Variants in DENND2B observed in about 807,000 individuals in gnomAD.
The protein encoded by DENND2B is DENN domain-containing protein 2B.
In DENND2B, 32 loss-of-function variants were observed where a neutral mutation model predicts 116.0. The observed-to-expected ratio is 0.28, with a 90% CI of 0.21 to 0.37. The LOEUF is 0.37. Among genes scored for constraint, DENND2B ranks in the 10% least tolerant of loss-of-function variants. The pLI, the probability that DENND2B is intolerant of heterozygous loss-of-function variation, is 1.00. For synonymous variants in DENND2B, 588 were observed against 583.9 expected (o/e 1.01, Z -0.10); for missense variants, 1,276 against 1,477.7 (o/e 0.86, Z 2.24).
At chr11:8,902,200 C>T (rs1459227899) in intron 1 of DENND2B, among the ~76,000 whole-genome samples, 1 of 152,002 alleles carries the variant, frequency 6.6e-6, no homozygotes, top group East Asian at 1.9e-4. Flanking sequence ...GTGGCACGCG[C>T]CTGTAATCCC....
chr11:8,737,221 A>C (rs998650885), intron 2 of DENND2B, among the ~76,000 whole-genome samples: 1 of 152,188 alleles, frequency 6.6e-6, no homozygotes, highest in African/African-American at 2.4e-5. Context: ...GTGGCCAAAT[A>C]AGATCCTCTA....
intron 11 of DENND2B, chr11:8,708,221 G>T: frequency 8.1e-7 from 1 of 1,230,430 alleles, no homozygotes; most frequent in Non-Finnish European, 1.0e-6. Context: ...CAGATGGGAA[G>T]GACTAGGGTA....
chr11:8,696,143 CCTAT>C (rs1215151088), intron 18 of DENND2B: 2 of 465,830 alleles, frequency 4.3e-6, no homozygotes, highest in Admixed American at 7.6e-5. Context: ...AGGGCTTTCT[CCTAT>C]CTTTCTCTTT....
chr11:8,767,790 C>T (rs940321000), intron 1 of DENND2B, among the ~76,000 whole-genome samples: 7 of 152,088 alleles, frequency 4.6e-5, no homozygotes, highest in African/African-American at 7.2e-5. Flanking sequence ...CACCTAAGGT[C>T]GCTTTCAATA....
intron 1 of DENND2B, among the ~76,000 whole-genome samples, chr11:8,897,383 A>G (rs928837111): frequency 1.3e-5 from 2 of 152,078 alleles, no homozygotes; most frequent in South Asian, 4.1e-4. Flanking sequence ...AGTTTTTGCA[A>G]TCCCTACACT....
rs780881197 is a variant in DENND2B at position 8,730,393 on chromosome 11, C to T, written c.897G>A (p.Gly299=). 3.7e-6 allele frequency: 6 copies of T among 1,605,122 alleles called. No individual in the cohort carries two copies. In the African/African-American group the frequency reaches 4.0e-5, roughly 11 times the overall value. Reference sequence around the variant, plus strand: ...AGCAGCTGCTGGGGAGCTGGGGGAGCCCCCGGCCCGGCTGCTCCTTCAGGA... The same window carrying T: ...AGCAGCTGCTGGGGAGCTGGGGGAGTCCCCGGCCCGGCTGCTCCTTCAGGA... ...EQVLKEQPGR[G]LPQLPSSCYS... Residue 299 remains glycine, a synonymous_variant, in exon 3 of 20, where the codon GGG becomes GGA. Coordinates refer to ENST00000313726, the MANE Select transcript of DENND2B (RefSeq NM_213618.2). The surrounding 1 kb of genome is among the most constrained non-coding windows in gnomAD (Gnocchi z 4.1).
chr11:8,723,551 C>T (rs886486521), intron 4 of DENND2B, among the ~76,000 whole-genome samples: 5 of 152,176 alleles, frequency 3.3e-5, no homozygotes, highest in South Asian at 2.1e-4. Context: ...GACTTTCTTC[C>T]ACTCTGGGAT....
At chr11:8,793,602 G>A (rs2059568684) in intron 1 of DENND2B, among the ~76,000 whole-genome samples, 1 of 152,126 alleles carries the variant, frequency 6.6e-6, no homozygotes, top group African/African-American at 2.4e-5. Flanking sequence ...TGTACATTTT[G>A]TTTATTCGTC....
intron 4 of DENND2B, among the ~76,000 whole-genome samples, chr11:8,820,447 A>G (rs955843442): frequency 1.3e-5 from 2 of 152,230 alleles, no homozygotes; most frequent in African/African-American, 4.8e-5. Context: ...AAGTATGCAG[A>G]ATAAATGTCT....
At chr11:8,834,438 G>GTT (rs1246467358) in intron 4 of DENND2B, among the ~76,000 whole-genome samples, 1 of 152,198 alleles carries the variant, frequency 6.6e-6, no homozygotes, top group African/African-American at 2.4e-5. Context: ...CCACTAAACA[G>GTT]TAAGTTTAAA....
chr11:8,786,304 G>A (rs1331974030), intron 1 of DENND2B, among the ~76,000 whole-genome samples: 3 of 152,026 alleles, frequency 2.0e-5, no homozygotes, highest in Admixed American at 6.5e-5. Flanking sequence ...GGAAACTGTC[G>A]CTGTAGTGGT....
intron 2 of DENND2B, among the ~76,000 whole-genome samples, chr11:8,863,198 C>T (rs1251394044): frequency 6.6e-6 from 1 of 150,920 alleles, no homozygotes; most frequent in Non-Finnish European, 1.5e-5. Flanking sequence ...TTAAATGGCC[C>T]TCTGAAACAA....
rs2064000000 is a variant in DENND2B, at chr11:8,889,460, G to A, written c.-255-8351C>T. 3.9e-5 allele frequency among the ~76,000 whole-genome samples: 6 copies of A among 152,356 alleles called. No homozygotes were observed. The South Asian group carries it at 1.2e-3, about 32-fold the overall frequency. The stretch of plus-strand genomic sequence containing the variant: ...CAGGGCGAGGCATCGCCTCACCCGG[G>A]AAACGCAAGGGTCAGGGAATTCCCT... On this transcript the variant is annotated intron_variant, in intron 1 of 22. Transcript: ENST00000534127.
At chr11:8,811,505 A>G (rs1408497802), upstream of DENND2B, 4 of 391,312 alleles carry the variant, frequency 1.0e-5, no homozygotes, top group Non-Finnish European at 1.8e-5. Flanking sequence ...ACAGTCGGTA[A>G]TAATATTGCT....
intron 1 of DENND2B, chr11:8,766,673 G>GCC: frequency 7.8e-7 from 1 of 1,288,192 alleles, no homozygotes; most frequent in South Asian, 1.2e-5. Flanking sequence ...CCAGCTATGC[G>GCC]CCCCACCTCC....
Position 8,726,564 on chromosome 11 carries a change from T to C in DENND2B, c.1341-355A>G, listed in dbSNP as rs191338656. 6.6e-5 allele frequency among the ~76,000 whole-genome samples: 10 copies of C among 152,360 alleles called. No homozygotes were observed. In the East Asian group the frequency reaches 1.2e-3, roughly 18 times the overall value. ...TTGGGACATCTTGTGAAAGAGGAGA[T>C]GGAAGTGACAGAGGCATGATTCTCC... On this transcript the variant is annotated intron_variant, in intron 3 of 19. Transcript: ENST00000313726.
At chr11:8,763,584 G>T (rs1468873597) in intron 1 of DENND2B, among the ~76,000 whole-genome samples, 2 of 150,486 alleles carry the variant, frequency 1.3e-5, no homozygotes, top group Non-Finnish European at 3.0e-5. Flanking sequence ...ACACAACATG[G>T]ATAAATCTCT....
upstream of DENND2B, among the ~76,000 whole-genome samples, chr11:8,873,275 A>AGCT (rs1812767967): frequency 6.6e-6 from 1 of 152,220 alleles, no homozygotes; most frequent in African/African-American, 2.4e-5. Context: ...CATCATTGGC[A>AGCT]GCTGCTGCTG....
intron 2 of DENND2B, among the ~76,000 whole-genome samples, chr11:8,732,906 G>GC (rs1473912521): frequency 5.9e-5 from 9 of 152,366 alleles, no homozygotes; most frequent in African/African-American, 2.2e-4. Flanking sequence ...CTGCCCCTGA[G>GC]CCAGGCTGCT....
Sources: gnomAD v4.1 joint callset for allele counts (sites outside exome capture counted in the v4.1 genomes callset) on GRCh38, gnomAD v4.1.1 for gene constraint, Gnocchi (gnomAD v3.1) non-coding constraint, MANE v1.5 for transcripts, NCBI Gene and HGNC (gene_info 2026-07-23, HGNC 2026-07-21) for gene names.